The following NHS variants were observed in gnomAD, a reference collection of about 807,000 sequenced individuals.
The protein encoded by NHS is NHS actin remodeling regulator.
Under a neutral mutation model 72.5 loss-of-function variants are expected in NHS, and 5 were observed. The ratio of observed to expected loss-of-function variants is 0.07; its 90% confidence interval spans 0.04 to 0.14. The LOEUF is 0.14. NHS is among the 10% of genes least tolerant of loss of function. NHS has a pLI of 1.00. For missense variants in NHS, 1,072 were observed against 1,355.7 expected, an observed-to-expected ratio of 0.79 and a Z score of 3.29; for synonymous variants, 464 against 547.7, an observed-to-expected ratio of 0.85 and a Z score of 2.13.
Position 17,640,315 on chromosome X carries a change from A to G in NHS, c.566-47427A>G, listed in dbSNP as rs990261339. ...GCTCAGCAAGAATACCGGAAACTCC[A>G]CTCTCCTGAAGGGTATTACTTTTCA... On this transcript the variant is annotated intron_variant, in intron 1 of 8. Coordinates refer to ENST00000676302, the MANE Select transcript of NHS (RefSeq NM_001291867.2). 9.9e-5 allele frequency among the ~76,000 whole-genome samples: 11 copies of G among 111,170 alleles called. No individual in the cohort carries two copies. In the East Asian group the frequency reaches 2.8e-3, roughly 29 times the overall value.
At chrX:17,468,435 CTTT>C (rs111242997) in intron 1 of NHS, among the ~76,000 whole-genome samples, 1 of 102,419 alleles carries the variant, frequency 9.8e-6, no homozygotes, top group African/African-American at 3.5e-5. Context: ...TGGGAGAGAG[CTTT>C]TTTTTTTTTT....
chrX:17,655,387 CA>C lies in NHS; in HGVS notation c.566-32354del, dbSNP rs773338646. 1.9e-3 allele frequency among the ~76,000 whole-genome samples: 211 copies of C among 112,325 alleles called. 1 individual carries two copies. Among genetic ancestry groups the C allele is most frequent in the South Asian group, 0.017 (46 of 2,705 alleles). On this transcript the variant is annotated intron_variant, in intron 1 of 8. Transcript: ENST00000676302. ...GGTCGCGCTACGGGAGAAGGAAACA[CA>C]GAGGTACAAGAAATCCGGATCCGGG...
At position 17,375,951 on chromosome X, in the gene NHS, C is replaced by T. The variant is rs1205087033; in HGVS notation, c.194C>T (p.Ser65Leu). Residue 65 changes from serine to leucine, a missense_variant, in exon 1 of 9, where the codon TCA (serine) becomes TTA (leucine). Coordinates refer to ENST00000676302, the MANE Select transcript of NHS (RefSeq NM_001291867.2). ...EEPARAVPAP[S>L]GLPPPPPPLP... ...CCAGCCCGCGCCGTCCCTGCACCTT[C>T]AGGGCTGCCACCGCCGCCGCCGCCA... The T allele has an allele frequency of 6.5e-6, 7 of 1,076,095 alleles. No homozygotes were observed. Among genetic ancestry groups the T allele is most frequent in the Non-Finnish European group, 8.4e-6 (7 of 834,551 alleles). 88.7% of individuals were successfully genotyped at this position (1,076,095 alleles called of 1,213,427 possible). A position where few individuals can be genotyped will look rare whatever the true frequency, so the allele number is the denominator to read the frequency against.
chrX:17,655,855 A>G (rs1287114429), intron 1 of NHS, among the ~76,000 whole-genome samples: 1 of 113,182 alleles, frequency 8.8e-6, no homozygotes, highest in Non-Finnish European at 1.9e-5. Context: ...CGCCGTGCGC[A>G]GAGACCTCCC....
In NHS at chrX:17,499,431, A is replaced by G. The variant is rs747369491; in HGVS notation, c.565+123109A>G. Among the ~76,000 whole-genome samples, 3 of 111,634 alleles carry G rather than the reference A, an allele frequency of 2.7e-5. 1 individual carries two copies. The East Asian group carries it at 8.4e-4, about 31-fold the overall frequency. On this transcript the variant is annotated intron_variant, in intron 1 of 8. Coordinates refer to ENST00000676302, the MANE Select transcript of NHS (RefSeq NM_001291867.2). ...TATTTTGCCCCTTTTTGAAAGCACA[A>G]CCCACCACTAACTGCATTAAATCCA...
At chrX:17,611,972 G>A (rs1267833720) in intron 1 of NHS, among the ~76,000 whole-genome samples, 1 of 111,425 alleles carries the variant, frequency 9.0e-6, no homozygotes, top group Non-Finnish European at 1.9e-5. Context: ...GTTAGTTAAT[G>A]AGATTCAATA....
At chrX:17,621,528 TTA>T (rs1212984623) in intron 1 of NHS, among the ~76,000 whole-genome samples, 3 of 111,900 alleles carry the variant, frequency 2.7e-5, no homozygotes, top group Non-Finnish European at 5.6e-5. Flanking sequence ...CCACTTGATT[TTA>T]TATGACATTT....
Position 17,580,795 on chromosome X carries a change from A to G in NHS, c.566-106947A>G, listed in dbSNP as rs771542217. Reference sequence around the variant, plus strand: ...TCTCCAGATGGAATTCTTTGCTCACATTGACTTCTTTACTCATAACTAGAG... The same window carrying G: ...TCTCCAGATGGAATTCTTTGCTCACGTTGACTTCTTTACTCATAACTAGAG... On this transcript the variant is annotated intron_variant, in intron 1 of 8. Transcript: ENST00000676302. 3.6e-5 allele frequency among the ~76,000 whole-genome samples: 4 copies of G among 112,532 alleles called. No individual in the cohort carries two copies. In the South Asian group the frequency reaches 1.5e-3, roughly 42 times the overall value.
At chrX:17,558,782 C>A (rs1294192304) in intron 1 of NHS, among the ~76,000 whole-genome samples, 1 of 112,232 alleles carries the variant, frequency 8.9e-6, no homozygotes, top group South Asian at 3.7e-4. Context: ...ATGCTATGTA[C>A]CCCTTCATGA....
intron 1 of NHS, among the ~76,000 whole-genome samples, chrX:17,540,909 G>A (rs1173562435): frequency 1.1e-4 from 12 of 111,015 alleles, no homozygotes; most frequent in Admixed American, 1.1e-3. Flanking sequence ...GCGAGACTCC[G>A]TCTCTACAAA....
At chrX:17,397,050 A>G (rs1158454270) in intron 1 of NHS, among the ~76,000 whole-genome samples, 2 of 112,881 alleles carry the variant, frequency 1.8e-5, no homozygotes, top group Admixed American at 1.9e-4. Flanking sequence ...AAAGCTAAAG[A>G]TAAGTTTAAA....
intron 1 of NHS, among the ~76,000 whole-genome samples, chrX:17,424,037 A>C (rs947735311): frequency 2.7e-5 from 3 of 112,193 alleles, no homozygotes; most frequent in Non-Finnish European, 5.6e-5. Context: ...TGAATGTTTT[A>C]ATCATCAAGT....
At chrX:17,522,593 C>A (rs2065155415) in intron 1 of NHS, among the ~76,000 whole-genome samples, 1 of 102,618 alleles carries the variant, frequency 9.7e-6, no homozygotes, top group Admixed American at 1.1e-4. Flanking sequence ...GGCTGCTCTT[C>A]CGAAGTTCCC....
At chrX:17,583,277 C>G (rs1374648862) in intron 1 of NHS, among the ~76,000 whole-genome samples, 1 of 111,578 alleles carries the variant, frequency 9.0e-6, no homozygotes, top group Non-Finnish European at 1.9e-5. Context: ...AGATAATGAA[C>G]TATGTCAGGT....
rs200877627 is a variant in NHS at position 17,615,149 on chromosome X, CGT to C, written c.566-72590_566-72589del. Among the ~76,000 whole-genome samples, 110 of 72,326 alleles carry C rather than the reference CGT, an allele frequency of 1.5e-3. 2 individuals are homozygous for C. Among genetic ancestry groups the C allele is most frequent in the African/African-American group, 5.5e-3 (102 of 18,588 alleles). The allele number at this position is 72,326 out of a possible 115,157, so 62.8% of individuals were successfully genotyped here. A position where few individuals can be genotyped will look rare whatever the true frequency, so the allele number is the denominator to read the frequency against. ...ATATACATATGTGTGTATATATATA[CGT>C]GTATATATACTATATATATACGTAT... On this transcript the variant is annotated intron_variant, in intron 1 of 8. Coordinates refer to ENST00000676302, the MANE Select transcript of NHS (RefSeq NM_001291867.2).
At chrX:17,719,185 A>C in intron 3 of NHS, 159 bp from the exon 4 acceptor site, 1 of 414,765 alleles carries the variant, frequency 2.4e-6, no homozygotes, top group East Asian at 4.1e-5. Context: ...AGGAAGGAGG[A>C]AGGGAAAGAA....
chrX:17,505,624 A>G (rs1459645749), intron 1 of NHS, among the ~76,000 whole-genome samples: 1 of 106,045 alleles, frequency 9.4e-6, no homozygotes, highest in Admixed American at 9.9e-5. Context: ...CACCGGGATC[A>G]GTGTTTTTTT....
intron 1 of NHS, among the ~76,000 whole-genome samples, chrX:17,472,190 C>T (rs1455715069): frequency 9.0e-6 from 1 of 110,689 alleles, no homozygotes; most frequent in Admixed American, 9.7e-5. Context: ...GAAATGTGAT[C>T]AGGGAATGCA....
intron 1 of NHS, among the ~76,000 whole-genome samples, chrX:17,639,648 C>T (rs2065870776): frequency 1.8e-5 from 2 of 112,393 alleles, no homozygotes; most frequent in African/African-American, 6.5e-5. Flanking sequence ...ACCCATTAAT[C>T]TGTTAATTCA....
Sources: gnomAD v4.1 joint callset for allele counts (sites outside exome capture counted in the v4.1 genomes callset) on GRCh38, gnomAD v4.1.1 for gene constraint, MANE v1.5 for transcripts, NCBI Gene and HGNC (gene_info 2026-07-23, HGNC 2026-07-21) for gene names.